The following FSHR variants were observed in gnomAD, a reference collection of about 807,000 sequenced individuals.
The protein encoded by FSHR is follicle stimulating hormone receptor, also known as follicle-stimulating hormone receptor.
FSHR carries 46 observed loss-of-function variants against 52.1 expected under a neutral mutation model. The observed-to-expected ratio is 0.88, with a 90% confidence interval of 0.70 to 1.13. The LOEUF (loss-of-function observed/expected upper bound fraction) is 1.13. FSHR is among the 50% of genes most tolerant of loss of function. The pLI, the probability that FSHR is intolerant of heterozygous loss-of-function variation, is 0.00. For synonymous variants in FSHR, 399 were observed against 309.6 expected, an observed-to-expected ratio of 1.29 and a Z score of -3.03; for missense variants, 964 against 834.6, an observed-to-expected ratio of 1.16 and a Z score of -1.91.
intron 8 of FSHR, among the ~76,000 whole-genome samples, chr2:48,975,692 G>A (rs892129434): frequency 6.6e-6 from 1 of 152,120 alleles, no homozygotes; most frequent in African/African-American, 2.4e-5. Context: ...TCCTTGAAGA[G>A]GTCCTTCACA....
intron 8 of FSHR, among the ~76,000 whole-genome samples, chr2:48,977,479 G>A (rs1443760032): frequency 6.6e-6 from 1 of 152,158 alleles, no homozygotes; most frequent in Non-Finnish European, 1.5e-5. Context: ...AGGACTGAGG[G>A]TAGGAAGGGG....
At chr2:48,989,097 A>C (rs1675650810) in intron 5 of FSHR, 43 bp from the exon 6 acceptor site, 1 of 1,499,042 alleles carries the variant, frequency 6.7e-7, no homozygotes. Context: ...CATCAGCTCT[A>C]CTCATGTAAC....
chr2:49,019,203 T>C (rs1667606341), intron 3 of FSHR, among the ~76,000 whole-genome samples: 1 of 152,208 alleles, frequency 6.6e-6, no homozygotes, highest in South Asian at 2.1e-4. Context: ...TATTATAGAC[T>C]CTGAAAAGTT....
intron 4 of FSHR, among the ~76,000 whole-genome samples, chr2:49,002,282 T>A (rs928842927): frequency 6.6e-6 from 1 of 152,118 alleles, no homozygotes; most frequent in African/African-American, 2.4e-5. Context: ...TTTCAAAATG[T>A]TCCCACACCC....
At chr2:49,046,724 A>T (rs1470965791) in intron 2 of FSHR, among the ~76,000 whole-genome samples, 4 of 152,186 alleles carry the variant, frequency 2.6e-5, no homozygotes, top group African/African-American at 9.6e-5. Flanking sequence ...TAATTAGCAC[A>T]CATTTTGTAG....
chr2:49,127,331 A>C (rs1672039490), intron 1 of FSHR, among the ~76,000 whole-genome samples: 1 of 51,668 alleles, frequency 1.9e-5, no homozygotes. Flanking sequence ...TTGTCTAAGA[A>C]AAAAAAAAAA....
At chr2:49,041,461 G>A in intron 2 of FSHR, among the ~76,000 whole-genome samples, 1 of 152,144 alleles carries the variant, frequency 6.6e-6, no homozygotes, top group Non-Finnish European at 1.5e-5. Context: ...ATTGTAATTA[G>A]GATGGGCAGG....
rs759809734 is a variant in FSHR at position 49,126,331 on chromosome 2, GA to G, written c.152+27934del. On this transcript the variant is annotated intron_variant, in intron 1 of 9. Coordinates refer to ENST00000406846, the MANE Select transcript of FSHR (RefSeq NM_000145.4). Reference sequence around the variant, plus strand: ...TGCACACACAAAAGGAAGAGGGGGGGAGAGAGAGAGGGGGCAAGAAGGGATT... The same window carrying G: ...TGCACACACAAAAGGAAGAGGGGGGGGAGAGAGAGGGGGCAAGAAGGGATT... Among the ~76,000 whole-genome samples, 532 of 147,900 alleles carry G rather than the reference GA, an allele frequency of 3.6e-3. 2 individuals are homozygous for G. The highest frequency in any genetic ancestry group is 6.2e-3 in the Non-Finnish European group (415 of 66,954).
At chr2:49,054,857 C>T (rs1040428693) in intron 2 of FSHR, among the ~76,000 whole-genome samples, 2 of 152,088 alleles carry the variant, frequency 1.3e-5, no homozygotes, top group Non-Finnish European at 2.9e-5. Context: ...CTCACCAAAA[C>T]AACACCCCAA....
chr2:48,977,696 C>T (rs1404764386), intron 8 of FSHR, among the ~76,000 whole-genome samples: 3 of 152,198 alleles, frequency 2.0e-5, no homozygotes, highest in Admixed American at 6.5e-5. Context: ...AGATGCATTA[C>T]AGTAGGTACT....
At chr2:49,041,032 T>G (rs1668461615) in intron 2 of FSHR, among the ~76,000 whole-genome samples, 1 of 152,218 alleles carries the variant, frequency 6.6e-6, no homozygotes, top group Admixed American at 6.5e-5. Context: ...ATTCAGAGTT[T>G]AAAGGCTTTG....
chr2:49,063,746 A>G (rs1205108905), intron 2 of FSHR, among the ~76,000 whole-genome samples: 1 of 152,162 alleles, frequency 6.6e-6, no homozygotes, highest in African/African-American at 2.4e-5. Context: ...AATAAGTTCT[A>G]CTGTTCTATA....
At chr2:49,033,416 C>T (rs1173106998) in intron 2 of FSHR, among the ~76,000 whole-genome samples, 2 of 152,162 alleles carry the variant, frequency 1.3e-5, no homozygotes, top group African/African-American at 2.4e-5. Context: ...TTTCTTTCTT[C>T]TAGCACCTAA....
intron 2 of FSHR, among the ~76,000 whole-genome samples, chr2:49,026,533 C>T (rs760662977): frequency 6.6e-6 from 1 of 152,128 alleles, no homozygotes; most frequent in Non-Finnish European, 1.5e-5. Flanking sequence ...GTCAAAGTTC[C>T]AAGCAGCAAC....
chr2:49,000,279 T>G (rs1432762240), intron 4 of FSHR, among the ~76,000 whole-genome samples: 1 of 152,140 alleles, frequency 6.6e-6, no homozygotes, highest in Non-Finnish European at 1.5e-5. Context: ...GACAATTAAC[T>G]TCTACATATA....
chr2:49,132,352 GC>G (rs1191693072), intron 1 of FSHR, among the ~76,000 whole-genome samples: 1 of 152,102 alleles, frequency 6.6e-6, no homozygotes, highest in Non-Finnish European at 1.5e-5. Context: ...TTTCTATCCT[GC>G]TCAGAAGAAA....
At chr2:48,975,425 T>C (rs1290553167) in intron 8 of FSHR, among the ~76,000 whole-genome samples, 2 of 152,164 alleles carry the variant, frequency 1.3e-5, no homozygotes, top group African/African-American at 4.8e-5. Context: ...CCACCCAATG[T>C]ATCATTCTAC....
intron 1 of FSHR, among the ~76,000 whole-genome samples, chr2:49,094,827 A>T (rs1370711722): frequency 6.6e-6 from 1 of 152,136 alleles, no homozygotes; most frequent in African/African-American, 2.4e-5. Context: ...TAGAAAAACA[A>T]TATAAAAAAT....
At position 49,058,627 on chromosome 2, in the gene FSHR, C is replaced by T. The variant is rs1286254825; in HGVS notation, c.224+9592G>A. Among the ~76,000 whole-genome samples the T allele has an allele frequency of 3.3e-5, 5 of 151,226 alleles. 1 individual carries two copies. In the East Asian group the frequency reaches 9.8e-4, roughly 30 times the overall value. ...AGTTGAAAGATACAAAATCAACCAA[C>T]AAAAATCAGTAGCATTTCTATCCAC... On this transcript the variant is annotated intron_variant, in intron 2 of 9. Transcript: ENST00000406846.
Sources: gnomAD v4.1 joint callset for allele counts (sites outside exome capture counted in the v4.1 genomes callset) on GRCh38, gnomAD v4.1.1 for gene constraint, MANE v1.5 for transcripts, NCBI Gene and HGNC (gene_info 2026-07-23, HGNC 2026-07-21) for gene names.